The following LYPLA1 variants were observed in gnomAD, a reference collection of about 807,000 sequenced individuals.
The protein encoded by LYPLA1 is lysophospholipase 1.
Under a neutral mutation model 34.0 loss-of-function variants are expected in LYPLA1, and 17 were observed. That is an observed-to-expected ratio of 0.50 (90% confidence interval 0.34 to 0.75). The LOEUF is 0.75. LYPLA1 is among the 30% of genes least tolerant of loss of function. LYPLA1 has a pLI of 0.01. For synonymous variants in LYPLA1, 98 were observed against 100.8 expected, an observed-to-expected ratio of 0.97 and a Z score of 0.17; for missense variants, 203 against 288.8, an observed-to-expected ratio of 0.70 and a Z score of 2.15.
At position 54,055,116 on chromosome 8, in the gene LYPLA1, G is replaced by C; in HGVS notation, c.304C>G (p.Gln102Glu). The C allele has an allele frequency of 6.2e-7, 1 of 1,607,092 alleles. No homozygotes were observed. Among genetic ancestry groups the C allele is most frequent in the Non-Finnish European group, 8.5e-7 (1 of 1,174,278 alleles). The change falls in exon 6 of 9, where the codon CAA becomes GAA. Residue 102 changes from glutamine to glutamate, a missense_variant. Gln to Glu is a conservative substitution (Grantham distance 29). Around this residue, in one of 3 missense-constraint regions of LYPLA1, gnomAD observed 123 missense variants for 199.2 expected, o/e 0.62. Coordinates refer to ENST00000316963, the MANE Select transcript of LYPLA1 (RefSeq NM_006330.4). The stretch of plus-strand genomic sequence containing the variant: ...GAAGGAATGCCATTCTTCACTTCTT[G>C]ATCAATCAAAGCTTTTACTAAAAAC... ...AAENIKALIDQEVKNGIPSNR... is the reference protein window; with the variant it reads ...AAENIKALIDEEVKNGIPSNR...
intron 2 of LYPLA1, among the ~76,000 whole-genome samples, chr8:54,075,144 T>C (rs1250573909): frequency 6.6e-6 from 1 of 152,168 alleles, no homozygotes; most frequent in Non-Finnish European, 1.5e-5. Flanking sequence ...CAACTGAACC[T>C]AGCATTATTA....
intron 2 of LYPLA1, among the ~76,000 whole-genome samples, chr8:54,090,797 A>C (rs1809177243): frequency 6.6e-6 from 1 of 152,182 alleles, no homozygotes. Context: ...GGGTGGGACC[A>C]GGTAGAGATA....
chr8:54,063,417 C>T (rs1806806672), intron 3 of LYPLA1, 42 bp from the exon 4 acceptor site: 9 of 1,224,572 alleles, frequency 7.3e-6, no homozygotes, highest in African/African-American at 1.5e-5. Flanking sequence ...AATAACAAAG[C>T]ATAAAAACTG....
chr8:54,100,793 C>T (rs1407441763), intron 2 of LYPLA1, 115 bp downstream of exon 2: 1 of 831,796 alleles, frequency 1.2e-6, no homozygotes, highest in Non-Finnish European at 2.0e-6. Context: ...GATACATTAA[C>T]TGGCAATCTT....
chr8:54,048,732 C>G (rs774721004), intron 8 of LYPLA1, among the ~76,000 whole-genome samples: 1 of 152,170 alleles, frequency 6.6e-6, no homozygotes, highest in Non-Finnish European at 1.5e-5. Flanking sequence ...CAAGGCCTTA[C>G]TTAGCCTCAC....
At chr8:54,056,285 T>C (rs1053815005) in intron 5 of LYPLA1, among the ~76,000 whole-genome samples, 3 of 152,160 alleles carry the variant, frequency 2.0e-5, no homozygotes, top group Non-Finnish European at 4.4e-5. Flanking sequence ...TCTTGCTGTA[T>C]ACAAAAATCA....
intron 2 of LYPLA1, among the ~76,000 whole-genome samples, chr8:54,066,127 C>T (rs998393450): frequency 6.6e-6 from 1 of 152,006 alleles, no homozygotes; most frequent in Non-Finnish European, 1.5e-5. Flanking sequence ...TTAGTAGAGA[C>T]GGGGTTTCAC....
intron 2 of LYPLA1, among the ~76,000 whole-genome samples, chr8:54,072,085 A>G (rs1586124862): frequency 6.6e-6 from 1 of 152,146 alleles, no homozygotes; most frequent in African/African-American, 2.4e-5. Context: ...AAGGTCACAC[A>G]CCTACAACTA....
chr8:54,058,281 G>A (rs551080352), intron 5 of LYPLA1, among the ~76,000 whole-genome samples: 37 of 152,134 alleles, frequency 2.4e-4, no homozygotes, highest in Non-Finnish European at 4.6e-4. Context: ...AGTGGCTCAC[G>A]CCTGTAATCC....
chr8:54,076,976 G>A lies in LYPLA1; in HGVS notation c.102-11163C>T, dbSNP rs564472495. ...GTGTGTCTTTAATTCCTCTAGCACCGCTGGGTTAGGGTCTCCCTGACAGAG... is the reference window on the plus strand; with the variant it reads ...GTGTGTCTTTAATTCCTCTAGCACCACTGGGTTAGGGTCTCCCTGACAGAG... On this transcript the variant is annotated intron_variant, in intron 2 of 8. Coordinates refer to ENST00000316963, the MANE Select transcript of LYPLA1 (RefSeq NM_006330.4). Among the ~76,000 whole-genome samples, 9 of 152,010 alleles carry A rather than the reference G, an allele frequency of 5.9e-5. 1 individual carries two copies. Among genetic ancestry groups the A allele is most frequent in the Admixed American group, 2.6e-4 (4 of 15,254 alleles).
chr8:54,090,631 C>T (rs1809159702), intron 2 of LYPLA1, among the ~76,000 whole-genome samples: 1 of 152,166 alleles, frequency 6.6e-6, no homozygotes. Flanking sequence ...GCATTGTTGG[C>T]ACCGCGGGAC....
At chr8:54,099,204 T>C (rs1394012787) in intron 2 of LYPLA1, among the ~76,000 whole-genome samples, 3 of 152,058 alleles carry the variant, frequency 2.0e-5, no homozygotes, top group Non-Finnish European at 4.4e-5. Flanking sequence ...AGCAACCTTC[T>C]CCCTGACTTG....
chr8:54,097,697 A>C (rs1809794806), intron 2 of LYPLA1, among the ~76,000 whole-genome samples: 1 of 152,226 alleles, frequency 6.6e-6, no homozygotes, highest in Non-Finnish European at 1.5e-5. Flanking sequence ...AAAATTCCAG[A>C]AATAAACAGT....
chr8:54,055,162 A>G (rs888045428), intron 5 of LYPLA1, 29 bp from the exon 6 acceptor site: 2 of 1,337,614 alleles, frequency 1.5e-6, no homozygotes, highest in Non-Finnish European at 2.1e-6. Flanking sequence ...TTAGTCAGCA[A>G]TACTTTCAGA....
chr8:54,092,823 A>T (rs1056781680), intron 2 of LYPLA1, among the ~76,000 whole-genome samples: 1 of 152,074 alleles, frequency 6.6e-6, no homozygotes, highest in Non-Finnish European at 1.5e-5. Context: ...CTCTACTTAA[A>T]AACAAAACAA....
intron 2 of LYPLA1, among the ~76,000 whole-genome samples, chr8:54,090,615 T>C (rs1418541663): frequency 6.6e-6 from 1 of 152,178 alleles, no homozygotes; most frequent in Non-Finnish European, 1.5e-5. Flanking sequence ...TGCTGGTATA[T>C]CCAGTGCATT....
chr8:54,050,679 C>A (rs1473498621), intron 8 of LYPLA1, among the ~76,000 whole-genome samples: 1 of 152,156 alleles, frequency 6.6e-6, no homozygotes. Flanking sequence ...TTTCCAAGGG[C>A]ACTTTTTAAA....
At position 54,085,253 on chromosome 8, in the gene LYPLA1, GCCGGGATTGCAGACGGAGTC is replaced by G. The variant is rs1178720220; in HGVS notation, c.101+15635_101+15654del. Among the ~76,000 whole-genome samples the G allele has an allele frequency of 2.6e-4, 39 of 152,232 alleles. 1 individual carries two copies. Among genetic ancestry groups the G allele is most frequent in the Admixed American group, 2.4e-3 (36 of 15,284 alleles). ...TCTGCCAGCCTCGGCATCCCGAGGT[GCCGGGATTGCAGACGGAGTC>G]TCGCTCACTCAGTGCTCAATGTTGC... On this transcript the variant is annotated intron_variant, in intron 2 of 8. Coordinates refer to ENST00000316963, the MANE Select transcript of LYPLA1 (RefSeq NM_006330.4).
rs745493453 is a variant in LYPLA1, at chr8:54,091,585, G to GAA, written c.101+9321_101+9322dup. The stretch of plus-strand genomic sequence containing the variant: ...AAGGAAGGAAAGAAAGAAAGAAAAG[G>GAA]AAGGAAGGAAGGAAGGAAGGAAGGA... On this transcript the variant is annotated intron_variant, in intron 2 of 8. Coordinates refer to ENST00000316963, the MANE Select transcript of LYPLA1 (RefSeq NM_006330.4). 6.9e-3 allele frequency among the ~76,000 whole-genome samples: 557 copies of GAA among 80,668 alleles called. 7 individuals carry two copies. Among genetic ancestry groups the GAA allele is most frequent in the African/African-American group, 0.018 (404 of 22,898 alleles). The allele number at this position is 80,668 out of a possible 152,430, so 52.9% of individuals were successfully genotyped here.
Sources: gnomAD v4.1 joint callset for allele counts (sites outside exome capture counted in the v4.1 genomes callset) on GRCh38, gnomAD v4.1.1 for gene constraint, gnomAD v4.1.1 regional missense constraint, MANE v1.5 for transcripts, NCBI Gene and HGNC (gene_info 2026-07-23, HGNC 2026-07-21) for gene names.